Variants in STK32B observed in about 807,000 individuals in gnomAD.
STK32B encodes the protein serine/threonine kinase 32B.
STK32B carries 43 observed loss-of-function variants against 52.6 expected under a neutral mutation model. That is an observed-to-expected ratio of 0.82 (90% CI 0.64 to 1.05). STK32B has a LOEUF of 1.05. Ranked by LOEUF, STK32B falls within the 50% of genes least tolerant of loss-of-function variation. The pLI is 0.00. For missense variants in STK32B, 621 were observed against 534.6 expected (o/e 1.16, Z -1.59); for synonymous variants, 238 against 204.3 (o/e 1.17, Z -1.41).
At chr4:5,176,204 C>T (rs1413833544) in intron 3 of STK32B, among the ~76,000 whole-genome samples, 14 of 152,178 alleles carry the variant, frequency 9.2e-5, no homozygotes, top group Non-Finnish European at 2.9e-5. Flanking sequence ...GCTGTTACCC[C>T]TTTCTTTGTC....
At chr4:5,295,086 G>C (rs1343752873) in intron 3 of STK32B, among the ~76,000 whole-genome samples, 1 of 152,108 alleles carries the variant, frequency 6.6e-6, no homozygotes, top group East Asian at 1.9e-4. Flanking sequence ...TTATTGTTTT[G>C]CATATGTTGA....
intron 2 of STK32B, among the ~76,000 whole-genome samples, chr4:5,164,111 T>C (rs1165247531): frequency 6.6e-6 from 1 of 152,200 alleles, no homozygotes; most frequent in African/African-American, 2.4e-5. Flanking sequence ...CCCTTATAGA[T>C]TGTGATAACT....
intron 4 of STK32B, among the ~76,000 whole-genome samples, chr4:5,357,910 T>G (rs1734290554): frequency 6.6e-6 from 1 of 152,184 alleles, no homozygotes; most frequent in Non-Finnish European, 1.5e-5. Flanking sequence ...TACTCTTTCA[T>G]TACCCTGTGG....
At chr4:5,334,848 G>A (rs1484680274) in intron 4 of STK32B, among the ~76,000 whole-genome samples, 1 of 151,770 alleles carries the variant, frequency 6.6e-6, no homozygotes, top group Non-Finnish European at 1.5e-5. Context: ...TGGTGGATAA[G>A]CTTTTTGATG....
intron 1 of STK32B, among the ~76,000 whole-genome samples, chr4:5,062,534 T>G (rs970203355): frequency 1.3e-5 from 2 of 152,104 alleles, no homozygotes; most frequent in African/African-American, 2.4e-5. Flanking sequence ...TGAGACGGAG[T>G]CTTGCACTGT....
chr4:5,359,639 G>C (rs1170512370), intron 4 of STK32B, among the ~76,000 whole-genome samples: 1 of 152,208 alleles, frequency 6.6e-6, no homozygotes, highest in East Asian at 1.9e-4. Context: ...CTGTTTTGCT[G>C]CTGTATTACA....
rs1560311817 is a variant in STK32B at position 5,316,863 on chromosome 4, ATATATTATATATAATATATTATATATAT to A, written c.261-14351_261-14324del. ...TTATATATAATATATTATATATATT[ATATATTATATATAATATATTATATATAT>A]TATATATAATATATAATATATATGA... On this transcript the variant is annotated intron_variant, in intron 3 of 11. Transcript: ENST00000282908. Among the ~76,000 whole-genome samples, 8 of 7,494 alleles carry A rather than the reference ATATATTATATATAATATATTATATATAT, an allele frequency of 1.1e-3. 1 individual carries two copies. The highest frequency in any genetic ancestry group is 4.7e-3 in the African/African-American group (3 of 642). 4.9% of individuals were successfully genotyped at this position (7,494 alleles called of 152,430 possible). A position where few individuals can be genotyped will look rare whatever the true frequency, so the allele number is the denominator to read the frequency against.
At chr4:5,181,329 G>GACACACACACACACAC (rs751590603) in intron 3 of STK32B, among the ~76,000 whole-genome samples, 143 of 138,116 alleles carry the variant, frequency 1.0e-3, no homozygotes, top group East Asian at 5.5e-3. Flanking sequence ...TGGAGAGTGA[G>GACACACACACACACAC]ACACACACAC....
At chr4:5,491,575 T>G (rs1471597924) in intron 11 of STK32B, among the ~76,000 whole-genome samples, 1 of 151,922 alleles carries the variant, frequency 6.6e-6, no homozygotes, top group African/African-American at 2.4e-5. Context: ...AGAAGCTCTT[T>G]AGTTTAATGA....
rs1261338989 is a variant in STK32B, at chr4:5,434,626, G to A, written c.563-12047G>A. On this transcript the variant is annotated intron_variant, in intron 6 of 11. Coordinates refer to ENST00000282908, the MANE Select transcript of STK32B (RefSeq NM_018401.3). ...CCTTAGTAGCTGTGTCACCTCAGAT[G>A]TGGTACCCACTCTCTCCAAGCCTTT... Among the ~76,000 whole-genome samples the A allele has an allele frequency of 3.3e-5, 5 of 152,218 alleles. No homozygotes were observed. The East Asian group carries it at 9.7e-4, about 29-fold the overall frequency.
intron 1 of STK32B, among the ~76,000 whole-genome samples, chr4:5,063,775 G>A (rs1476395327): frequency 6.6e-6 from 1 of 152,190 alleles, no homozygotes; most frequent in Non-Finnish European, 1.5e-5. Context: ...AAAGTCACAT[G>A]TGGCTATTAG....
chr4:5,481,628 CT>C (rs1207830436), intron 11 of STK32B, among the ~76,000 whole-genome samples: 1 of 152,102 alleles, frequency 6.6e-6, no homozygotes. Context: ...GTTGCCATTG[CT>C]TTTGGTGTTT....
At chr4:5,337,589 A>G (rs1732792673) in intron 4 of STK32B, among the ~76,000 whole-genome samples, 2 of 152,170 alleles carry the variant, frequency 1.3e-5, no homozygotes. Context: ...ATTAGCATGG[A>G]TCAGAGACCC....
chr4:5,198,057 A>G (rs13121492), intron 3 of STK32B, among the ~76,000 whole-genome samples: 82,661 of 151,922 alleles, frequency 0.54, 24,947 homozygotes, highest in East Asian at 0.75. Context: ...ATCTCATGCC[A>G]TAGAAACTAC....
At chr4:5,466,992 G>T (rs1046469009) in intron 10 of STK32B, among the ~76,000 whole-genome samples, 158 bp downstream of exon 10, 1 of 152,198 alleles carries the variant, frequency 6.6e-6, no homozygotes, top group African/African-American at 2.4e-5. Flanking sequence ...ACAAGTAGGG[G>T]GAAAGAGTGA....
intron 1 of STK32B, among the ~76,000 whole-genome samples, chr4:5,059,425 T>C (rs200495257): frequency 6.6e-6 from 1 of 152,314 alleles, no homozygotes; most frequent in Non-Finnish European, 1.5e-5. Context: ...TTAATGGCAG[T>C]TGAATGTAAG....
intron 3 of STK32B, among the ~76,000 whole-genome samples, chr4:5,234,114 G>A (rs921657345): frequency 3.3e-5 from 5 of 152,070 alleles, no homozygotes; most frequent in Admixed American, 6.6e-5. Flanking sequence ...GGTTCTTGAC[G>A]TGGTTCATTT....
the STK32B span, among the ~76,000 whole-genome samples, chr4:5,033,961 T>C: frequency 1.3e-5 from 2 of 152,310 alleles, no homozygotes; most frequent in African/African-American, 2.4e-5. Context: ...CAAAAGGTGT[T>C]TTGTGAATTG....
intron 3 of STK32B, among the ~76,000 whole-genome samples, chr4:5,301,746 CT>C (rs3077862): frequency 3.1e-4 from 38 of 124,326 alleles, no homozygotes; most frequent in Non-Finnish European, 4.8e-4. Context: ...GTTCCATTAG[CT>C]TTTTTTTTTT....
Sources: allele counts gnomAD v4.1 joint callset (sites outside exome capture counted in the v4.1 genomes callset), GRCh38; gene constraint gnomAD v4.1.1; transcripts MANE v1.5; gene names NCBI Gene and HGNC (gene_info 2026-07-23, HGNC 2026-07-21).